KIAA1328: variants seen among roughly 807,000 people sequenced by gnomAD.
The protein encoded by KIAA1328 is KIAA1328.
Under a neutral mutation model 68.1 loss-of-function variants are expected in KIAA1328, and 52 were observed. The ratio of observed to expected loss-of-function variants is 0.76; its 90% CI spans 0.61 to 0.96. KIAA1328 has a LOEUF of 0.96. Among genes scored for constraint, KIAA1328 ranks in the 40% least tolerant of loss-of-function variants. The pLI is 0.00. For synonymous variants in KIAA1328, 232 were observed against 239.4 expected (o/e 0.97, Z 0.28); for missense variants, 641 against 677.6 (o/e 0.95, Z 0.60).
At chr18:37,154,095 A>G (rs1290087591) in intron 7 of KIAA1328, among the ~76,000 whole-genome samples, 1 of 151,850 alleles carries the variant, frequency 6.6e-6, no homozygotes, top group African/African-American at 2.4e-5. Context: ...GTTTTCTCCC[A>G]CTCTTCACAA....
chr18:37,022,079 AAAAT>A (rs1046623983), intron 6 of KIAA1328, among the ~76,000 whole-genome samples: 1 of 151,916 alleles, frequency 6.6e-6, no homozygotes, highest in African/African-American at 2.4e-5. Context: ...AAAATAAAAT[AAAAT>A]AAAACAAACA....
At chr18:37,133,857 G>A (rs903844899) in intron 7 of KIAA1328, among the ~76,000 whole-genome samples, 4 of 151,932 alleles carry the variant, frequency 2.6e-5, no homozygotes, top group African/African-American at 7.3e-5. Context: ...AAAAACATTC[G>A]CATGACAAGT....
chr18:37,206,240 A>T (rs2060212553), intron 9 of KIAA1328, among the ~76,000 whole-genome samples: 1 of 152,284 alleles, frequency 6.6e-6, no homozygotes, highest in Non-Finnish European at 1.5e-5. Context: ...TGGGATTTGT[A>T]TGCACTCATA....
chr18:37,048,445 G>A (rs895951577), intron 6 of KIAA1328, among the ~76,000 whole-genome samples: 3 of 152,004 alleles, frequency 2.0e-5, no homozygotes, highest in African/African-American at 7.3e-5. Context: ...GAGTCCTGAG[G>A]CAGTTGCCTT....
intron 4 of KIAA1328, among the ~76,000 whole-genome samples, chr18:36,853,172 G>A (rs1380387645): frequency 4.6e-5 from 7 of 151,968 alleles, no homozygotes; most frequent in Non-Finnish European, 1.5e-5. Context: ...CAACCTTTGT[G>A]TCTTTTGATT....
intron 6 of KIAA1328, among the ~76,000 whole-genome samples, chr18:37,054,952 A>G (rs988245031): frequency 6.6e-6 from 1 of 152,148 alleles, no homozygotes; most frequent in Non-Finnish European, 1.5e-5. Flanking sequence ...TGTTATTTAC[A>G]CTTTATTGTG....
At chr18:36,999,540 C>T (rs1350642309) in intron 6 of KIAA1328, among the ~76,000 whole-genome samples, 1 of 152,158 alleles carries the variant, frequency 6.6e-6, no homozygotes, top group Non-Finnish European at 1.5e-5. Context: ...TGCTCACCTA[C>T]AAAGGAAATC....
chr18:37,176,743 A>G (rs1448866226), intron 9 of KIAA1328, among the ~76,000 whole-genome samples: 3 of 152,226 alleles, frequency 2.0e-5, no homozygotes, highest in African/African-American at 7.2e-5. Context: ...TTCCTACCAA[A>G]TGAATGAGTC....
rs546011904 is a variant in KIAA1328 at position 37,113,311 on chromosome 18, G to T, written c.1232+45766G>T. Among the ~76,000 whole-genome samples the T allele has an allele frequency of 1.9e-4, 29 of 152,156 alleles. No individual in the cohort carries two copies. The South Asian group carries it at 6.0e-3, about 32-fold the overall frequency. On this transcript the variant is annotated intron_variant, in intron 7 of 9. Transcript: ENST00000280020. ...CCCATCAGACTACCAGCGGATCTCTGGGCAGAAACTCTACAAGCCAGAAGA... is the reference window on the plus strand; with the variant it reads ...CCCATCAGACTACCAGCGGATCTCTTGGCAGAAACTCTACAAGCCAGAAGA...
At chr18:36,902,629 G>T (rs767786953) in intron 5 of KIAA1328, among the ~76,000 whole-genome samples, 3 of 152,044 alleles carry the variant, frequency 2.0e-5, no homozygotes, top group Non-Finnish European at 4.4e-5. Flanking sequence ...TCTAGACAAA[G>T]TCAGGTATTA....
intron 6 of KIAA1328, among the ~76,000 whole-genome samples, chr18:37,050,469 G>T (rs545726780): frequency 2.6e-5 from 4 of 152,050 alleles, no homozygotes; most frequent in African/African-American, 7.2e-5. Context: ...ATTCAAACTA[G>T]CATTATGCTT....
At chr18:37,045,689 A>G (rs1395287040) in intron 6 of KIAA1328, among the ~76,000 whole-genome samples, 1 of 152,194 alleles carries the variant, frequency 6.6e-6, no homozygotes, top group African/African-American at 2.4e-5. Context: ...CTTTCAGAAT[A>G]CTTTACTATT....
At chr18:36,889,316 CAAT>C (rs2048602431) in intron 5 of KIAA1328, among the ~76,000 whole-genome samples, 2 of 152,078 alleles carry the variant, frequency 1.3e-5, no homozygotes, top group Admixed American at 1.3e-4. Flanking sequence ...TGTACAATAA[CAAT>C]AATTCTGAAA....
At chr18:37,084,006 A>G in intron 7 of KIAA1328, 1 of 440,252 alleles carries the variant, frequency 2.3e-6, no homozygotes, top group African/African-American at 2.0e-5. Flanking sequence ...ATTTTTGACT[A>G]AGTTTTAATT....
chr18:37,209,849 A>G (rs1323864821), intron 9 of KIAA1328, among the ~76,000 whole-genome samples: 2 of 152,192 alleles, frequency 1.3e-5, no homozygotes, highest in African/African-American at 4.8e-5. Flanking sequence ...GTGAGTGTGG[A>G]ACTCAGGGGC....
At chr18:36,893,017 A>T (rs553688685) in intron 5 of KIAA1328, among the ~76,000 whole-genome samples, 3 of 152,298 alleles carry the variant, frequency 2.0e-5, no homozygotes, top group African/African-American at 7.2e-5. Flanking sequence ...CCATGTAACA[A>T]ACCTGCACAT....
rs997801441 is a variant in KIAA1328 at position 37,223,633 on chromosome 18, G to C, written c.*1406G>C. ...GACTTAGTCAGTGTTGGTAGACAAAGTCATACCACCCAGGGCAGCCTGCAT... is the reference window on the plus strand; with the variant it reads ...GACTTAGTCAGTGTTGGTAGACAAACTCATACCACCCAGGGCAGCCTGCAT... On this transcript the variant is annotated 3_prime_UTR_variant, in exon 10 of 10. Coordinates refer to ENST00000280020, the MANE Select transcript of KIAA1328 (RefSeq NM_020776.3). 1 of 985,220 alleles carries C rather than the reference G, an allele frequency of 1.0e-6. No individual in the cohort carries two copies. Among genetic ancestry groups the C allele is most frequent in the African/African-American group, 1.7e-5 (1 of 57,214 alleles). 61.0% of individuals were successfully genotyped at this position (985,220 alleles called of 1,614,324 possible).
intron 3 of KIAA1328, 133 bp downstream of exon 3, chr18:36,835,509 G>GA: frequency 2.2e-6 from 2 of 904,556 alleles, no homozygotes; most frequent in Non-Finnish European, 3.3e-6. Context: ...AGGATTCCAG[G>GA]ATCCTTTGAT....
At chr18:37,162,377 C>A (rs940891157) in intron 8 of KIAA1328, among the ~76,000 whole-genome samples, 2 of 151,796 alleles carry the variant, frequency 1.3e-5, no homozygotes, top group African/African-American at 4.8e-5. Flanking sequence ...TGAAAAAGAC[C>A]GCCTTGTATT....
Sources: gnomAD v4.1 joint callset for allele counts (sites outside exome capture counted in the v4.1 genomes callset) on GRCh38, gnomAD v4.1.1 for gene constraint, MANE v1.5 for transcripts, NCBI Gene and HGNC (gene_info 2026-07-23, HGNC 2026-07-21) for gene names.